The following NRXN1 variants were observed in gnomAD, a reference collection of about 807,000 sequenced individuals.
The protein encoded by NRXN1 is neurexin 1.
NRXN1 carries 39 observed loss-of-function variants against 150.9 expected under a neutral mutation model. That is an observed-to-expected ratio of 0.26 (90% CI 0.20 to 0.34). The LOEUF (loss-of-function observed/expected upper bound fraction) is 0.34, where lower values mean the gene tolerates loss of function less well. Ranked by LOEUF, NRXN1 falls within the 10% of genes least tolerant of loss-of-function variation. The pLI, the probability that NRXN1 is intolerant of heterozygous loss-of-function variation, is 1.00. For synonymous variants in NRXN1, 924 were observed against 757.0 expected, an observed-to-expected ratio of 1.22 and a Z score of -3.62; for missense variants, 1,815 against 1,949.9, an observed-to-expected ratio of 0.93 and a Z score of 1.30.
chr2:50,597,145 G>C (rs1675375564), intron 8 of NRXN1, among the ~76,000 whole-genome samples: 1 of 152,042 alleles, frequency 6.6e-6, no homozygotes, highest in Non-Finnish European at 1.5e-5. Context: ...GTGCCCGGTG[G>C]GACATGCTTC....
chr2:50,460,394 C>T (rs1004922022), intron 17 of NRXN1, among the ~76,000 whole-genome samples: 4 of 152,084 alleles, frequency 2.6e-5, no homozygotes, highest in African/African-American at 9.7e-5. Flanking sequence ...GTTGAATCAT[C>T]AAGCTGCTCA....
At chr2:50,913,090 C>T (rs7558540) in intron 5 of NRXN1, 13,012 of 151,888 alleles carry the variant, frequency 0.086, 623 homozygotes, top group South Asian at 0.12. Context: ...TTTCTGCTGA[C>T]TGCCAGACAA....
At chr2:50,503,231 G>A (rs903393382) in intron 13 of NRXN1, among the ~76,000 whole-genome samples, 1 of 151,572 alleles carries the variant, frequency 6.6e-6, no homozygotes, top group Non-Finnish European at 1.5e-5. Context: ...TCACTTGAAT[G>A]TAGGAGGCGG....
At chr2:50,881,342 C>A (rs1056243299) in intron 5 of NRXN1, among the ~76,000 whole-genome samples, 1 of 151,844 alleles carries the variant, frequency 6.6e-6, no homozygotes, top group Non-Finnish European at 1.5e-5. Context: ...CACATTTCTC[C>A]CTTGTTCCAG....
intron 17 of NRXN1, among the ~76,000 whole-genome samples, chr2:50,453,012 C>A (rs1200876969): frequency 1.3e-5 from 2 of 152,144 alleles, no homozygotes; most frequent in Non-Finnish European, 2.9e-5. Context: ...ATTTTGTATT[C>A]TTTTCAAATC....
intron 8 of NRXN1, among the ~76,000 whole-genome samples, chr2:50,599,309 C>G (rs1675848527): frequency 6.6e-6 from 1 of 152,094 alleles, no homozygotes; most frequent in Non-Finnish European, 1.5e-5. Flanking sequence ...AAATTCAGCC[C>G]TTACAAAAAT....
chr2:50,466,529 G>A (rs1039190616), intron 16 of NRXN1: 8 of 459,994 alleles, frequency 1.7e-5, no homozygotes, highest in Admixed American at 1.7e-4. Context: ...TATATTAAAT[G>A]TTAGTAAGCA....
chr2:50,318,788 A>G (rs1385670620), intron 17 of NRXN1, among the ~76,000 whole-genome samples: 1 of 152,138 alleles, frequency 6.6e-6, no homozygotes, highest in Non-Finnish European at 1.5e-5. Context: ...GATTATAAAC[A>G]CAAAATTCAG....
chr2:50,262,585 G>C (rs956319136), intron 17 of NRXN1, among the ~76,000 whole-genome samples: 1 of 151,972 alleles, frequency 6.6e-6, no homozygotes, highest in East Asian at 1.9e-4. Context: ...TAGAAGAACA[G>C]AATCATTCCA....
intron 2 of NRXN1, among the ~76,000 whole-genome samples, chr2:50,961,883 C>A (rs1448858137): frequency 6.6e-6 from 1 of 151,098 alleles, no homozygotes; most frequent in Admixed American, 6.6e-5. Flanking sequence ...GGTTAGTATA[C>A]CATCTGTTAT....
At chr2:50,613,466 C>A (rs1439830701) in intron 8 of NRXN1, among the ~76,000 whole-genome samples, 3 of 152,168 alleles carry the variant, frequency 2.0e-5, no homozygotes, top group African/African-American at 4.8e-5. Context: ...GCATACTGAT[C>A]CTACATGAAA....
chr2:51,005,696 A>G (rs1220790789), intron 2 of NRXN1, among the ~76,000 whole-genome samples: 1 of 151,984 alleles, frequency 6.6e-6, no homozygotes, highest in Non-Finnish European at 1.5e-5. Flanking sequence ...AATTGCAAAA[A>G]TAAACCATAA....
chr2:50,659,271 A>G (rs1471063856), intron 5 of NRXN1, among the ~76,000 whole-genome samples: 1 of 152,058 alleles, frequency 6.6e-6, no homozygotes, highest in Non-Finnish European at 1.5e-5. Context: ...ATTTTGCTGG[A>G]CATTTATTAC....
rs1668144219 is a variant in NRXN1 at position 49,921,263 on chromosome 2, T to TTTTG, written c.*677_*680dup. The TTTTG allele has an allele frequency of 6.6e-6, 1 of 152,620 alleles. No individual in the cohort carries two copies. Among genetic ancestry groups the TTTTG allele is most frequent in the Non-Finnish European group, 1.5e-5 (1 of 68,046 alleles). The allele number at this position is 152,620 out of a possible 1,614,324, so 9.5% of individuals were successfully genotyped here. ...AATGATTGCATCTATGCCCTCTTGT[T>TTTTG]TTTGTTTTGAAATTTTGTGTGAAAA... On this transcript the variant is annotated 3_prime_UTR_variant, in exon 23 of 23. Coordinates refer to ENST00000401669, the MANE Select transcript of NRXN1 (RefSeq NM_001330078.2).
intron 18 of NRXN1, among the ~76,000 whole-genome samples, chr2:50,184,546 T>C (rs1184885746): frequency 6.6e-6 from 1 of 151,954 alleles, no homozygotes; most frequent in African/African-American, 2.4e-5. Context: ...TCCAATAAAA[T>C]TACCTTTTGC....
intron 21 of NRXN1, among the ~76,000 whole-genome samples, chr2:50,042,901 G>A (rs1348910409): frequency 6.6e-6 from 1 of 152,056 alleles, no homozygotes; most frequent in African/African-American, 2.4e-5. Flanking sequence ...AAATCTTCCT[G>A]TGCCATTAAC....
Position 50,506,549 on chromosome 2 carries a change from C to A in NRXN1, c.2443G>T (p.Val815Phe), listed in dbSNP as rs752085615. 5 of 1,613,368 alleles carry A rather than the reference C, an allele frequency of 3.1e-6. No individual in the cohort carries two copies. Among genetic ancestry groups the A allele is most frequent in the Admixed American group, 3.3e-5 (2 of 59,930 alleles). Residue 815 changes from valine (V) to phenylalanine (F), a missense_variant, in exon 13 of 23, where the codon GTT (valine) becomes TTT (phenylalanine). Transcript: ENST00000401669. ...NDNEWHTVRV[V>F]RRGKSLKLTV... The stretch of plus-strand genomic sequence containing the variant: ...AACTTTAAACTTTTTCCACGCCGAA[C>A]TACACGCACTGTGTGCCACTCGTTA...
chr2:50,641,806 A>G (rs1312169925), intron 5 of NRXN1, among the ~76,000 whole-genome samples: 2 of 152,096 alleles, frequency 1.3e-5, no homozygotes, highest in African/African-American at 4.8e-5. Context: ...TCAGCAGAAC[A>G]GCCACTCCAA....
At chr2:50,158,774 A>G (rs571856514) in intron 18 of NRXN1, among the ~76,000 whole-genome samples, 15 of 152,250 alleles carry the variant, frequency 9.9e-5, no homozygotes, top group African/African-American at 3.4e-4. Flanking sequence ...CTTTAGAAAG[A>G]AAAAGTTAAT....
Sources: gnomAD v4.1 joint callset for allele counts (sites outside exome capture counted in the v4.1 genomes callset) on GRCh38, gnomAD v4.1.1 for gene constraint, MANE v1.5 for transcripts, NCBI Gene and HGNC (gene_info 2026-07-23, HGNC 2026-07-21) for gene names.